Variants in PCDHA6 observed in about 807,000 individuals in gnomAD.
PCDHA6 encodes the protein protocadherin alpha-6.
Under a neutral mutation model 60.3 loss-of-function variants are expected in PCDHA6, and 55 were observed. The ratio of observed to expected loss-of-function variants is 0.91; its 90% CI spans 0.73 to 1.14. The LOEUF is 1.14. Among genes scored for constraint, PCDHA6 ranks in the 50% most tolerant of loss-of-function variants. The pLI, the probability that PCDHA6 is intolerant of heterozygous loss-of-function variation, is 0.00. For missense variants in PCDHA6, 1,327 were observed against 1,256.5 expected (o/e 1.06, Z -0.85); for synonymous variants, 652 against 557.9 (o/e 1.17, Z -2.38).
intron 1 of PCDHA6, among the ~76,000 whole-genome samples, chr5:140,975,757 A>G (rs779490429): frequency 6.6e-5 from 10 of 152,234 alleles, no homozygotes; most frequent in South Asian, 2.1e-4. Flanking sequence ...ATTCTATGTC[A>G]TAAATCACAG....
chr5:140,852,573 G>A, intron 1 of PCDHA6: 2 of 794,360 alleles, frequency 2.5e-6, no homozygotes, highest in Non-Finnish European at 3.1e-6. Flanking sequence ...ACTGTGCCAA[G>A]GCTTTTTTAT....
At chr5:140,968,621 T>C (rs782017664) in intron 1 of PCDHA6, 11 of 1,614,190 alleles carry the variant, frequency 6.8e-6, no homozygotes, top group Non-Finnish European at 8.5e-6. Context: ...GCAAAATGCT[T>C]GGCTTTTTTA....
At chr5:141,009,034 C>T (rs183192515) in intron 3 of PCDHA6, among the ~76,000 whole-genome samples, 64 of 152,344 alleles carry the variant, frequency 4.2e-4, no homozygotes, top group African/African-American at 1.5e-3. Context: ...TTTCCCATCC[C>T]GTTCCCAGTC....
chr5:140,831,212 T>C (rs1173379795), intron 1 of PCDHA6: 1 of 152,260 alleles, frequency 6.6e-6, no homozygotes, highest in Non-Finnish European at 1.5e-5. Context: ...AGTAAATTTA[T>C]ATGAAAACTG....
chr5:140,864,928 T>C (rs2048657742), intron 1 of PCDHA6: 1 of 152,144 alleles, frequency 6.6e-6, no homozygotes, highest in Non-Finnish European at 1.5e-5. Flanking sequence ...CTTGGCAGGG[T>C]GTCTCAGGCC....
intron 1 of PCDHA6, among the ~76,000 whole-genome samples, chr5:140,964,705 C>T (rs1361202248): frequency 2.6e-5 from 4 of 151,550 alleles, no homozygotes; most frequent in Non-Finnish European, 4.4e-5. Flanking sequence ...TTAAGGCCTC[C>T]GAGATCAAAT....
intron 1 of PCDHA6, chr5:140,865,878 T>C (rs1436758278): frequency 1.3e-5 from 2 of 152,170 alleles, no homozygotes; most frequent in Non-Finnish European, 2.9e-5. Flanking sequence ...GCTAGGAAAA[T>C]CAAGCACAAA....
At chr5:140,982,159 G>A (rs1466298378) in intron 2 of PCDHA6, among the ~76,000 whole-genome samples, 1 of 152,262 alleles carries the variant, frequency 6.6e-6, no homozygotes, top group African/African-American at 2.4e-5. Flanking sequence ...GTATCGAGAT[G>A]TTAAAATGGC....
chr5:140,966,499 A>AGCG (rs1178498918), intron 1 of PCDHA6: 4 of 431,834 alleles, frequency 9.3e-6, no homozygotes, highest in Non-Finnish European at 1.6e-5. Flanking sequence ...CTGGAGCTGT[A>AGCG]GCGGCAGCAG....
intron 1 of PCDHA6, among the ~76,000 whole-genome samples, chr5:140,924,229 T>G (rs543275737): frequency 6.6e-6 from 1 of 152,258 alleles, no homozygotes; most frequent in Non-Finnish European, 1.5e-5. Flanking sequence ...TCAATTTTTA[T>G]GGGCTGTTTT....
intron 3 of PCDHA6, among the ~76,000 whole-genome samples, chr5:140,985,406 GA>G (rs1554247033): frequency 6.6e-6 from 1 of 152,136 alleles, no homozygotes; most frequent in Non-Finnish European, 1.5e-5. Flanking sequence ...TGTTCCCCTG[GA>G]AATGGAGTGA....
intron 1 of PCDHA6, among the ~76,000 whole-genome samples, chr5:140,895,416 C>A (rs2065002617): frequency 6.6e-6 from 1 of 152,168 alleles, no homozygotes; most frequent in South Asian, 2.1e-4. Context: ...CCATAACCTT[C>A]TTTTGCTTCC....
chr5:140,843,302 G>A, intron 1 of PCDHA6: 1 of 1,595,928 alleles, frequency 6.3e-7, no homozygotes, highest in Non-Finnish European at 8.6e-7. Flanking sequence ...TGCGCTGACC[G>A]CCACGGCCAC....
chr5:140,928,585 G>T, intron 1 of PCDHA6: 1 of 1,614,194 alleles, frequency 6.2e-7, no homozygotes, highest in Non-Finnish European at 8.5e-7. Context: ...AAATGGTTCT[G>T]TCCCAGTGGA....
At chr5:140,967,138 G>A in intron 1 of PCDHA6, 1 of 1,611,568 alleles carries the variant, frequency 6.2e-7, no homozygotes, top group Middle Eastern at 1.7e-4. Flanking sequence ...TGGAAGTGCT[G>A]GCGCACAACC....
At chr5:140,863,090 C>G (rs782806970) in intron 1 of PCDHA6, 1 of 575,070 alleles carries the variant, frequency 1.7e-6, no homozygotes, top group African/African-American at 1.9e-5. Flanking sequence ...GAGATCAGCA[C>G]GACGAGTACC....
intron 1 of PCDHA6, chr5:140,869,210 C>A (rs781978731): frequency 1.7e-5 from 28 of 1,613,814 alleles, no homozygotes; most frequent in African/African-American, 1.5e-4. Context: ...TACTCCGTCT[C>A]GGAGGAGGCC....
In PCDHA6 at chr5:141,000,327, C is replaced by G. The variant is rs555445425; in HGVS notation, c.2543-9300C>G. On this transcript the variant is annotated intron_variant, in intron 3 of 3. Coordinates refer to ENST00000529310, the MANE Select transcript of PCDHA6 (RefSeq NM_018909.4). ...GAGTTCAAGACCAGCTTGGGCAACA[C>G]AGCAAGGCCCTATCTCTCTCTCTGT... is the stretch of plus-strand genomic sequence containing the variant. 3.5e-5 allele frequency among the ~76,000 whole-genome samples: 5 copies of G among 144,706 alleles called. No homozygotes were observed. The South Asian group carries it at 1.1e-3, about 32-fold the overall frequency. 94.9% of individuals were successfully genotyped at this position (144,706 alleles called of 152,430 possible). A position where few individuals can be genotyped will look rare whatever the true frequency, so the allele number is the denominator to read the frequency against.
chr5:140,877,649 C>T (rs369703340), intron 1 of PCDHA6: 4 of 1,613,556 alleles, frequency 2.5e-6, no homozygotes, highest in Middle Eastern at 1.7e-4. Context: ...TGCTCAGCGC[C>T]GCCCACCGTG....
Sources: gnomAD v4.1 joint callset for allele counts (sites outside exome capture counted in the v4.1 genomes callset) on GRCh38, gnomAD v4.1.1 for gene constraint, MANE v1.5 for transcripts, NCBI Gene and HGNC (gene_info 2026-07-23, HGNC 2026-07-21) for gene names.